The following DOCK2 variants were observed in gnomAD, a reference collection of about 807,000 sequenced individuals.
DOCK2 encodes the protein dedicator of cytokinesis 2.
A neutral mutation model predicts 248.9 loss-of-function variants in DOCK2; 87 were observed. The observed-to-expected ratio is 0.35, with a 90% CI of 0.29 to 0.42. The LOEUF is 0.42. Ranked by LOEUF, DOCK2 falls within the 10% of genes least tolerant of loss-of-function variation. The pLI, the probability that DOCK2 is intolerant of heterozygous loss-of-function variation, is 1.00. For missense variants in DOCK2, 1,747 were observed against 2,300.2 expected (o/e 0.76, Z 4.92); for synonymous variants, 805 against 821.6 (o/e 0.98, Z 0.35).
chr5:169,840,748 G>A lies in DOCK2; in HGVS notation c.2704-9G>A, dbSNP rs1769909084. ...GGTTGTCACATAGATGTCTCTGACT[G>A]TTTTACAGGCCTTCACCTACCACCA... On this transcript the variant is annotated splice_polypyrimidine_tract_variant and intron_variant, in intron 26 of 51. Coordinates refer to ENST00000520908, the MANE Select transcript of DOCK2 (RefSeq NM_004946.3). 1.2e-6 allele frequency: 2 copies of A among 1,613,552 alleles called. No homozygotes were observed. Among genetic ancestry groups the A allele is most frequent in the South Asian group, 2.2e-5 (2 of 91,038 alleles).
At chr5:169,702,219 C>T in intron 13 of DOCK2, 84 bp from the exon 14 acceptor site, 1 of 1,513,292 alleles carries the variant, frequency 6.6e-7, no homozygotes, top group Non-Finnish European at 8.9e-7. Context: ...AGAGCTTCTT[C>T]TCACCCTCCA....
In DOCK2 at chr5:169,863,310, C is replaced by T. The variant is rs187288854; in HGVS notation, c.2799+22458C>T. Among the ~76,000 whole-genome samples, 184 of 152,348 alleles carry T rather than the reference C, an allele frequency of 1.2e-3. 1 individual carries two copies. Among genetic ancestry groups the T allele is most frequent in the African/African-American group, 4.0e-3 (167 of 41,574 alleles). ...TAATATATGTTTGAACCTATCTACA[C>T]GGCTGTTTCTGGGATGAAGGGATGA... On this transcript the variant is annotated intron_variant, in intron 27 of 51. Coordinates refer to ENST00000520908, the MANE Select transcript of DOCK2 (RefSeq NM_004946.3).
intron 25 of DOCK2, among the ~76,000 whole-genome samples, chr5:169,767,034 G>A (rs1169560159): frequency 2.0e-5 from 3 of 152,220 alleles, no homozygotes; most frequent in East Asian, 1.9e-4. Flanking sequence ...GGGATTATGG[G>A]CATGGGCCAC....
chr5:169,747,577 C>T (rs1477671684), intron 23 of DOCK2, 73 bp downstream of exon 23: 1 of 1,317,474 alleles, frequency 7.6e-7, no homozygotes, highest in Non-Finnish European at 1.1e-6. Context: ...AAGATAATAT[C>T]TTCTTTTACT....
At chr5:169,860,871 T>A (rs1483658669) in intron 27 of DOCK2, among the ~76,000 whole-genome samples, 1 of 152,216 alleles carries the variant, frequency 6.6e-6, no homozygotes, top group African/African-American at 2.4e-5. Flanking sequence ...AGCAACAGGG[T>A]TTAGCAAGAA....
At chr5:169,972,494 A>ATT (rs35770870) in intron 27 of DOCK2, among the ~76,000 whole-genome samples, 1 of 10,978 alleles carries the variant, frequency 9.1e-5, no homozygotes, top group Admixed American at 1.0e-3. Flanking sequence ...ATTTCAAGGC[A>ATT]ATGCCCTTTG....
intron 27 of DOCK2, among the ~76,000 whole-genome samples, chr5:169,952,393 G>T (rs2113727862): frequency 6.6e-6 from 1 of 152,010 alleles, no homozygotes; most frequent in East Asian, 1.9e-4. Context: ...CTCTTTCCTG[G>T]ATCATTTTAA....
intron 27 of DOCK2, among the ~76,000 whole-genome samples, chr5:169,904,048 G>A (rs1191890674): frequency 3.6e-5 from 5 of 139,116 alleles, no homozygotes; most frequent in African/African-American, 8.4e-5. Flanking sequence ...AGCCGAGATC[G>A]TTCCATTGAC....
intron 27 of DOCK2, among the ~76,000 whole-genome samples, chr5:169,963,156 A>G (rs1294596239): frequency 6.6e-6 from 1 of 152,192 alleles, no homozygotes; most frequent in Non-Finnish European, 1.5e-5. Flanking sequence ...TGCTGTAACC[A>G]AAAGAGAGTT....
chr5:169,830,520 G>A (rs1229107524), intron 26 of DOCK2, among the ~76,000 whole-genome samples: 4 of 152,024 alleles, frequency 2.6e-5, no homozygotes, highest in Non-Finnish European at 4.4e-5. Context: ...CTGTTTTGAA[G>A]AACAAAATAC....
chr5:169,736,885 A>G (rs975632874), intron 22 of DOCK2, among the ~76,000 whole-genome samples: 3 of 152,218 alleles, frequency 2.0e-5, no homozygotes, highest in East Asian at 1.9e-4. Flanking sequence ...TTTGGTTTGC[A>G]TTAGTAATCA....
At chr5:169,880,951 TGAGGAA>T (rs1272273553) in intron 27 of DOCK2, among the ~76,000 whole-genome samples, 3 of 152,232 alleles carry the variant, frequency 2.0e-5, no homozygotes, top group Non-Finnish European at 4.4e-5. Flanking sequence ...TAGCTACTGT[TGAGGAA>T]GAGGCAGTGT....
intron 49 of DOCK2, chr5:170,079,752 TAAC>T (rs1757960300): frequency 6.0e-6 from 1 of 167,626 alleles, no homozygotes; most frequent in Non-Finnish European, 1.3e-5. Context: ...GGAGATGGAT[TAAC>T]TGCCCTGGCA....
At chr5:169,712,772 T>G (rs1761656091) in intron 17 of DOCK2, among the ~76,000 whole-genome samples, 1 of 152,238 alleles carries the variant, frequency 6.6e-6, no homozygotes, top group Non-Finnish European at 1.5e-5. Flanking sequence ...CCATCTAAAC[T>G]ATAAAGGGAG....
At chr5:170,052,281 G>C (rs1401084486) in intron 41 of DOCK2, among the ~76,000 whole-genome samples, 1 of 152,170 alleles carries the variant, frequency 6.6e-6, no homozygotes, top group East Asian at 1.9e-4. Flanking sequence ...AACTGGTGGT[G>C]GGCTGGGCTG....
rs2113291555 is a variant in DOCK2 at position 169,671,148 on chromosome 5, G to C, written c.295G>C (p.Gly99Arg). 1 of 1,614,008 alleles carries C rather than the reference G, an allele frequency of 6.2e-7. No homozygotes were observed. The highest frequency in any genetic ancestry group is 2.2e-5 in the East Asian group (1 of 44,868). Residue 99 changes from glycine to arginine, a missense_variant, in exon 5 of 52, where the codon GGA (glycine) becomes CGA (arginine). Transcript: ENST00000520908. ...QEVTTTLWEW[G>R]SIWKQLYVAS... ...AGTGACAACGACACTTTGGGAATGG[G>C]GAAGCATCTGGAAACAACTCTATGT...
intron 41 of DOCK2, among the ~76,000 whole-genome samples, chr5:170,051,532 C>G (rs546094952): frequency 5.3e-5 from 8 of 152,202 alleles, no homozygotes; most frequent in Non-Finnish European, 1.2e-4. Flanking sequence ...CTGCCATGGC[C>G]TTTCTATTGT....
chr5:169,825,147 T>C (rs532071516), intron 26 of DOCK2, among the ~76,000 whole-genome samples: 2,021 of 152,198 alleles, frequency 0.013, 22 homozygotes, highest in Middle Eastern at 0.048. Flanking sequence ...TGTGGAGAAA[T>C]AGGAACACTT....
In DOCK2 at chr5:169,885,315, C is replaced by T. The variant is rs538640243; in HGVS notation, c.2799+44463C>T. Among the ~76,000 whole-genome samples the T allele has an allele frequency of 7.9e-5, 12 of 152,328 alleles. No individual in the cohort carries two copies. The South Asian group carries it at 1.7e-3, about 21-fold the overall frequency. On this transcript the variant is annotated intron_variant, in intron 27 of 51. Coordinates refer to ENST00000520908, the MANE Select transcript of DOCK2 (RefSeq NM_004946.3). ...ATTCACTGCTTGAGCATTCCTAGCC[C>T]TCTTTCTGGCTCACTATAGGTGCTT...
Sources: gnomAD v4.1 joint callset for allele counts (sites outside exome capture counted in the v4.1 genomes callset) on GRCh38, gnomAD v4.1.1 for gene constraint, MANE v1.5 for transcripts, NCBI Gene and HGNC (gene_info 2026-07-23, HGNC 2026-07-21) for gene names.